RMND5B: variants seen among roughly 807,000 people sequenced by gnomAD.
RMND5B encodes the protein E3 ubiquitin-protein transferase RMND5B.
A neutral mutation model predicts 50.4 loss-of-function variants in RMND5B; 42 were observed. That is an observed-to-expected ratio of 0.83 (90% CI 0.65 to 1.08). The LOEUF (loss-of-function observed/expected upper bound fraction) is 1.08. Among genes scored for constraint, RMND5B ranks in the 50% least tolerant of loss-of-function variants. The pLI is 0.00. For missense variants in RMND5B, 463 were observed against 508.5 expected, an observed-to-expected ratio of 0.91 and a Z score of 0.86; for synonymous variants, 220 against 210.0, an observed-to-expected ratio of 1.05 and a Z score of -0.41.
At chr5:178,145,835 TGGGGGAGGAAAGAGAACTG>T (rs1307199031) in intron 7 of RMND5B, 1 of 375,380 alleles carries the variant, frequency 2.7e-6, no homozygotes, top group East Asian at 4.2e-5. Context: ...CTTGATGCAG[TGGGGGAGGAAAGAGAACTG>T]GAAAAGAACT....
intron 5 of RMND5B, among the ~76,000 whole-genome samples, chr5:178,143,355 C>T (rs1258378824): frequency 6.6e-6 from 1 of 152,176 alleles, no homozygotes; most frequent in Non-Finnish European, 1.5e-5. Context: ...TCTCGCCATG[C>T]AACTCAGTGC....
At chr5:178,145,985 C>T (rs774904082) in intron 7 of RMND5B, 129 bp from the exon 8 acceptor site, 10 of 879,770 alleles carry the variant, frequency 1.1e-5, no homozygotes, top group Non-Finnish European at 1.5e-5. Context: ...CATCCCTGCT[C>T]AGTCTCCTCA....
At chr5:178,131,749 G>C (rs1048286367) in intron 2 of RMND5B, among the ~76,000 whole-genome samples, 1 of 152,060 alleles carries the variant, frequency 6.6e-6, no homozygotes, top group Non-Finnish European at 1.5e-5. Context: ...GAGTGGTCCA[G>C]GCAGCGGGAA....
chr5:178,139,371 A>T (rs924857672), intron 3 of RMND5B, among the ~76,000 whole-genome samples: 3 of 151,462 alleles, frequency 2.0e-5, no homozygotes, highest in African/African-American at 4.9e-5. Flanking sequence ...ACCTGCAGCT[A>T]ATTTTTGTAT....
rs763574085 is a variant in RMND5B at position 178,143,959 on chromosome 5, G to A, written c.545G>A (p.Arg182Lys). Reference sequence around the variant, plus strand: ...CTTCCCAGATGGGCCGTCTCCCACAGGCAGCGCCTGCTGGAACTCAACAGC... The same window carrying A: ...CTTCCCAGATGGGCCGTCTCCCACAAGCAGCGCCTGCTGGAACTCAACAGC... ...GPALEWAVSHRQRLLELNSSL... is the reference protein window; with the variant it reads ...GPALEWAVSHKQRLLELNSSL... Residue 182 changes from arginine to lysine, a missense_variant, in exon 7 of 11, where the codon AGG becomes AAG. Transcript: ENST00000313386. The A allele has an allele frequency of 8.1e-6, 13 of 1,614,246 alleles. No homozygotes were observed. Among genetic ancestry groups the A allele is most frequent in the Non-Finnish European group, 1.1e-5 (13 of 1,180,032 alleles).
chr5:178,136,121 G>C (rs1244384176), intron 2 of RMND5B: 1 of 152,158 alleles, frequency 6.6e-6, no homozygotes, highest in Non-Finnish European at 1.5e-5. Flanking sequence ...CTTCAGTTCA[G>C]TTCCCAGCTC....
chr5:178,144,628 G>T (rs930838063), intron 7 of RMND5B, among the ~76,000 whole-genome samples: 1 of 151,650 alleles, frequency 6.6e-6, no homozygotes, highest in South Asian at 2.1e-4. Flanking sequence ...CCAGCTACTA[G>T]GCTGAAGCAG....
intron 7 of RMND5B, among the ~76,000 whole-genome samples, chr5:178,144,323 C>T (rs1208543118): frequency 6.6e-6 from 1 of 152,170 alleles, no homozygotes; most frequent in Admixed American, 6.5e-5. Context: ...ATAGCTTCAG[C>T]GCAGACCACC....
rs200995810 is a variant in RMND5B at position 178,147,636 on chromosome 5, G to T, written c.963+1G>T. 4.3e-5 allele frequency: 69 copies of T among 1,614,070 alleles called. No homozygotes were observed. The highest frequency in any genetic ancestry group is 5.6e-5 in the Non-Finnish European group (66 of 1,180,026). On this transcript the variant is annotated splice_donor_variant, in intron 9 of 10. Coordinates refer to ENST00000313386, the MANE Select transcript of RMND5B (RefSeq NM_022762.5). LOFTEE classifies it high-confidence loss of function. ...CTGGAATCACAAGGACGAGTTACCG[G>T]TGAGGCCTGGTCTGGGGAATCGTGG...
rs935812997 is a variant in RMND5B at position 178,137,761 on chromosome 5, G to A, written c.-12-347G>A. On this transcript the variant is annotated intron_variant, in intron 2 of 10. Transcript: ENST00000313386. This position sits in a 1 kb window ranked among gnomAD's most constrained non-coding sequence, Gnocchi z 4.4. ...GATTTCTAGTTAGATAGTATTGCCA[G>A]CTAAGGGCTCTGTGAGGCCTGCTCT... Among the ~76,000 whole-genome samples the A allele has an allele frequency of 6.6e-6, 1 of 152,182 alleles. No individual in the cohort carries two copies. The highest frequency in any genetic ancestry group is 2.4e-5 in the African/African-American group (1 of 41,438).
chr5:178,147,773 C>T lies in RMND5B; in HGVS notation c.1008C>T (p.Phe336=), dbSNP rs374576631. 71 of 1,614,052 alleles carry T rather than the reference C, an allele frequency of 4.4e-5. No homozygotes were observed. Among genetic ancestry groups the T allele is most frequent in the Non-Finnish European group, 5.6e-5 (66 of 1,180,046 alleles). ...LGMKCWYHSV[F]ACPILRQQTS... ...TGAAGTGCTGGTACCACTCCGTGTT[C>T]GCTTGCCCCATCCTCCGCCAGCAGA... The change falls in exon 10 of 11, where the codon TTC becomes TTT. Residue 336 remains phenylalanine, a synonymous_variant. Coordinates refer to ENST00000313386, the MANE Select transcript of RMND5B (RefSeq NM_022762.5).
In RMND5B at chr5:178,149,926, C is replaced by A. The variant is rs923917503; in HGVS notation, c.*1894C>A. 7.6e-6 allele frequency: 11 copies of A among 1,439,138 alleles called. No homozygotes were observed. The highest frequency in any genetic ancestry group is 1.2e-5 in the South Asian group (1 of 81,604). The allele number at this position is 1,439,138 out of a possible 1,614,324, so 89.1% of individuals were successfully genotyped here. On this transcript the variant is annotated 3_prime_UTR_variant, in exon 11 of 11. Transcript: ENST00000313386. The stretch of plus-strand genomic sequence containing the variant: ...CCAACTGATGACCCACCAGCCTAAT[C>A]TGGCCCACAACCATGTTCTGTTCGG...
rs908380767 is a variant in RMND5B at position 178,138,669 on chromosome 5, T to C, written c.139+411T>C. Among the ~76,000 whole-genome samples, 1 of 152,000 alleles carries C rather than the reference T, an allele frequency of 6.6e-6. No individual in the cohort carries two copies. The highest frequency in any genetic ancestry group is 1.5e-5 in the Non-Finnish European group (1 of 68,012). ...GTGAGCCACCATGCCTGGCCTATTT[T>C]TAGCTTTTAAGATTTTAAAGATAAT... On this transcript the variant is annotated intron_variant, in intron 3 of 10. Coordinates refer to ENST00000313386, the MANE Select transcript of RMND5B (RefSeq NM_022762.5). The surrounding 1 kb of genome is among the most constrained non-coding windows in gnomAD (Gnocchi z 5.1).
rs150042905 is a variant in RMND5B, at chr5:178,147,768, G to A, written c.1003G>A (p.Val335Met). The A allele has an allele frequency of 1.8e-5, 29 of 1,614,030 alleles. No individual in the cohort carries two copies. Among genetic ancestry groups the A allele is most frequent in the Non-Finnish European group, 2.2e-5 (26 of 1,180,040 alleles). Residue 335 changes from valine to methionine, a missense_variant, in exon 10 of 11, where the codon GTG becomes ATG. Physicochemically the swap from Val to Met is conservative, Grantham distance 21. Coordinates refer to ENST00000313386, the MANE Select transcript of RMND5B (RefSeq NM_022762.5). ...AGGCATGAAGTGCTGGTACCACTCC[G>A]TGTTCGCTTGCCCCATCCTCCGCCA... Reference protein sequence around the residue: ...ELGMKCWYHSVFACPILRQQT... With the variant: ...ELGMKCWYHSMFACPILRQQT...
At chr5:178,134,941 G>T (rs1465782906) in intron 2 of RMND5B, among the ~76,000 whole-genome samples, 1 of 146,180 alleles carries the variant, frequency 6.8e-6, no homozygotes, top group African/African-American at 2.5e-5. Flanking sequence ...TAGCACCACT[G>T]TATTCCAGCC....
At chr5:178,134,377 C>T (rs2113378492) in intron 2 of RMND5B, among the ~76,000 whole-genome samples, 1 of 152,268 alleles carries the variant, frequency 6.6e-6, no homozygotes, top group Admixed American at 6.5e-5. Flanking sequence ...ATATGTCAAC[C>T]ATGGTAGTGT....
In RMND5B at chr5:178,149,722, TA is replaced by T. The variant is rs754309481; in HGVS notation, c.*1691del. On this transcript the variant is annotated 3_prime_UTR_variant, in exon 11 of 11. Transcript: ENST00000313386. ...GTGCTACCGGAGCCCCTCATAGGGG[TA>T]GGGGCAGGGACTGCACCTCCTCCAG... 2 of 1,613,458 alleles carry T rather than the reference TA, an allele frequency of 1.2e-6. No individual in the cohort carries two copies. Among genetic ancestry groups the T allele is most frequent in the East Asian group, 4.5e-5 (2 of 44,868 alleles).
Position 178,146,289 on chromosome 5 carries a change from A to G in RMND5B, c.860+10A>G. On this transcript the variant is annotated intron_variant, in intron 8 of 10. Transcript: ENST00000313386. ...CCCCCCTTAGCGTCAGGTACAACCC[A>G]GCCCTGTGAGGGCAGCACAGGTGGG... The G allele has an allele frequency of 6.2e-7, 1 of 1,612,818 alleles. No individual in the cohort carries two copies. Among genetic ancestry groups the G allele is most frequent in the South Asian group, 1.1e-5 (1 of 91,020 alleles).
Position 178,144,720 on chromosome 5 carries a change from G to GAAAAAAAAAAAA in RMND5B, c.694+614_694+625dup, listed in dbSNP as rs111233356. Among the ~76,000 whole-genome samples, 30 of 111,756 alleles carry GAAAAAAAAAAAA rather than the reference G, an allele frequency of 2.7e-4. 1 individual carries two copies. The highest frequency in any genetic ancestry group is 2.0e-3 in the East Asian group (7 of 3,506). The allele number at this position is 111,756 out of a possible 152,430, so 73.3% of individuals were successfully genotyped here. On this transcript the variant is annotated intron_variant, in intron 7 of 10. Transcript: ENST00000313386. ...GGTGACAGAGTGAGACTCCGTCTCA[G>GAAAAAAAAAAAA]AAAAAAAAAAAAAGACTTGTCTGGG...
Sources: allele counts gnomAD v4.1 joint callset (sites outside exome capture counted in the v4.1 genomes callset), GRCh38; gene constraint gnomAD v4.1.1; non-coding constraint Gnocchi (gnomAD v3.1); transcripts MANE v1.5; gene names NCBI Gene and HGNC (gene_info 2026-07-23, HGNC 2026-07-21).